The following SEMA6D variants were observed in gnomAD, a reference collection of about 807,000 sequenced individuals.
SEMA6D encodes semaphorin 6D.
Under a neutral mutation model 106.6 loss-of-function variants are expected in SEMA6D, and 35 were observed. The observed-to-expected ratio is 0.33, with a 90% CI of 0.25 to 0.44. The LOEUF (loss-of-function observed/expected upper bound fraction) is 0.44, where lower values mean the gene tolerates loss of function less well. Among genes scored for constraint, SEMA6D ranks in the 20% least tolerant of loss-of-function variants. The probability of loss-of-function intolerance (pLI) is 1.00; values close to 1 mark genes in which losing one functional copy is unlikely to be tolerated. For synonymous variants in SEMA6D, 499 were observed against 487.7 expected (o/e 1.02, Z -0.31); for missense variants, 1,185 against 1,345.9 (o/e 0.88, Z 1.87).
At chr15:47,240,918 G>A (rs1470100300) in intron 1 of SEMA6D, among the ~76,000 whole-genome samples, 2 of 152,154 alleles carry the variant, frequency 1.3e-5, no homozygotes, top group African/African-American at 4.8e-5. Flanking sequence ...ATATGGTTCA[G>A]AGAGAAGTCT....
At chr15:47,746,924 G>GA (rs2081162206) in intron 1 of SEMA6D, among the ~76,000 whole-genome samples, 1 of 149,672 alleles carries the variant, frequency 6.7e-6, no homozygotes, top group Non-Finnish European at 1.5e-5. Flanking sequence ...CGGTTCCCCT[G>GA]AAAAAAGGAG....
At chr15:47,385,923 T>A (rs1280211916) in intron 1 of SEMA6D, among the ~76,000 whole-genome samples, 1 of 152,216 alleles carries the variant, frequency 6.6e-6, no homozygotes, top group Non-Finnish European at 1.5e-5. Flanking sequence ...AAAGCCTAAA[T>A]TCAAAATAAG....
At chr15:47,314,277 G>A (rs1311009302) in intron 1 of SEMA6D, among the ~76,000 whole-genome samples, 1 of 151,978 alleles carries the variant, frequency 6.6e-6, no homozygotes, top group Non-Finnish European at 1.5e-5. Flanking sequence ...TTTTTTAATT[G>A]AGTTGCATGT....
intron 1 of SEMA6D, among the ~76,000 whole-genome samples, chr15:47,192,941 T>G (rs920454270): frequency 2.0e-5 from 3 of 152,222 alleles, no homozygotes; most frequent in Non-Finnish European, 2.9e-5. Context: ...TTCATAGAAT[T>G]AACTGCTAAA....
At chr15:47,378,545 T>C (rs2039527664) in intron 1 of SEMA6D, among the ~76,000 whole-genome samples, 1 of 152,146 alleles carries the variant, frequency 6.6e-6, no homozygotes, top group Non-Finnish European at 1.5e-5. Flanking sequence ...TGCCTCAAAC[T>C]TGATGACCAC....
intron 1 of SEMA6D, among the ~76,000 whole-genome samples, chr15:47,287,289 T>G (rs1190327478): frequency 1.3e-5 from 2 of 152,218 alleles, no homozygotes; most frequent in African/African-American, 4.8e-5. Context: ...TTTGTTAGGC[T>G]AAGGCAATGG....
chr15:47,572,878 C>T (rs1461568006), intron 3 of SEMA6D, among the ~76,000 whole-genome samples: 1 of 151,914 alleles, frequency 6.6e-6, no homozygotes, highest in Non-Finnish European at 1.5e-5. Flanking sequence ...AAAGGTGAAA[C>T]AACATCGCAT....
At chr15:47,196,099 A>G (rs753709644) in intron 1 of SEMA6D, among the ~76,000 whole-genome samples, 1 of 151,482 alleles carries the variant, frequency 6.6e-6, no homozygotes, top group Non-Finnish European at 1.5e-5. Flanking sequence ...AGCATAGCCC[A>G]CACGTTGTAG....
intron 1 of SEMA6D, among the ~76,000 whole-genome samples, chr15:47,282,079 G>C (rs1358866295): frequency 6.6e-6 from 1 of 152,064 alleles, no homozygotes; most frequent in Non-Finnish European, 1.5e-5. Context: ...TGATAATAAT[G>C]TGCTTAGTAT....
intron 4 of SEMA6D, among the ~76,000 whole-genome samples, chr15:47,643,228 TTA>T (rs1165759580): frequency 6.6e-6 from 1 of 152,200 alleles, no homozygotes; most frequent in Non-Finnish European, 1.5e-5. Flanking sequence ...AGAGGACTCT[TTA>T]AGACTAATTA....
intron 1 of SEMA6D, among the ~76,000 whole-genome samples, chr15:47,207,425 T>C (rs2141161394): frequency 6.6e-6 from 1 of 152,300 alleles, no homozygotes; most frequent in South Asian, 2.1e-4. Flanking sequence ...CAGAAAACTC[T>C]TCTGAGTCTC....
upstream of SEMA6D, among the ~76,000 whole-genome samples, chr15:47,715,649 T>C (rs1425209275): frequency 6.6e-6 from 1 of 152,214 alleles, no homozygotes; most frequent in Non-Finnish European, 1.5e-5. Flanking sequence ...CATATCCTTC[T>C]GCAATCTAAA....
chr15:47,202,420 T>C (rs1487793228), intron 1 of SEMA6D, among the ~76,000 whole-genome samples: 1 of 151,832 alleles, frequency 6.6e-6, no homozygotes, highest in African/African-American at 2.4e-5. Flanking sequence ...CCAGGGACAT[T>C]CGATTGGTAA....
intron 1 of SEMA6D, among the ~76,000 whole-genome samples, chr15:47,211,708 A>C (rs1210233055): frequency 1.3e-5 from 2 of 152,180 alleles, no homozygotes; most frequent in African/African-American, 4.8e-5. Context: ...GGCCAAATTT[A>C]CTTATAATCA....
chr15:47,678,733 G>A (rs1050785850), intron 4 of SEMA6D, among the ~76,000 whole-genome samples: 1 of 151,422 alleles, frequency 6.6e-6, no homozygotes, highest in Non-Finnish European at 1.5e-5. Flanking sequence ...TCCTTTCTAT[G>A]TGTTGGGCTC....
chr15:47,635,357 T>G (rs2077368548), intron 4 of SEMA6D, among the ~76,000 whole-genome samples: 1 of 152,108 alleles, frequency 6.6e-6, no homozygotes, highest in East Asian at 1.9e-4. Flanking sequence ...ATGTTGTCTC[T>G]TAGGGTGTAC....
At chr15:47,359,019 T>C (rs1429422438) in intron 1 of SEMA6D, among the ~76,000 whole-genome samples, 2 of 152,070 alleles carry the variant, frequency 1.3e-5, no homozygotes, top group East Asian at 3.9e-4. Flanking sequence ...CTTGATCTGC[T>C]GTACTATCTT....
chr15:47,569,837 G>T (rs1406671705), intron 3 of SEMA6D, among the ~76,000 whole-genome samples: 4 of 152,130 alleles, frequency 2.6e-5, no homozygotes, highest in African/African-American at 9.7e-5. Context: ...AAGGCGGGTG[G>T]ATCACCTGAG....
intron 1 of SEMA6D, among the ~76,000 whole-genome samples, chr15:47,226,866 T>C (rs2141463283): frequency 6.6e-6 from 1 of 152,212 alleles, no homozygotes; most frequent in South Asian, 2.1e-4. Context: ...TCTGCTTTGG[T>C]TCACATCAGA....
Sources: gnomAD v4.1 joint callset for allele counts (sites outside exome capture counted in the v4.1 genomes callset) on GRCh38, gnomAD v4.1.1 for gene constraint, MANE v1.5 for transcripts, NCBI Gene and HGNC (gene_info 2026-07-23, HGNC 2026-07-21) for gene names.